The following BLCAP variants were observed in gnomAD, a reference collection of about 807,000 sequenced individuals.
The protein encoded by BLCAP is BLCAP apoptosis inducing factor, also known as apoptosis inducing factor BLCAP.
In BLCAP, 1 loss-of-function variant was observed where a neutral mutation model predicts 5.7. The observed-to-expected ratio is 0.18, with a 90% CI of 0.06 to 0.83. The LOEUF (loss-of-function observed/expected upper bound fraction) is 0.83. BLCAP is among the 40% of genes least tolerant of loss of function. BLCAP has a pLI of 0.71. For synonymous variants in BLCAP, 48 were observed against 49.4 expected, an observed-to-expected ratio of 0.97 and a Z score of 0.11; for missense variants, 66 against 107.6, an observed-to-expected ratio of 0.61 and a Z score of 1.71.
intron 1 of BLCAP, 45 bp from the exon 2 acceptor site, chr20:37,519,395 A>T (rs2071478327): frequency 1.2e-5 from 2 of 163,128 alleles, no homozygotes; most frequent in South Asian, 4.5e-4. Context: ...CAAAGAACAG[A>T]CAGACAGACA....
chr20:37,518,044 C>G lies in BLCAP; in HGVS notation c.*867G>C, dbSNP rs1474738630. On this transcript the variant is annotated 3_prime_UTR_variant, in exon 2 of 2. Transcript: ENST00000373537. ...TCTATCAAGGGGATCAAGGCCGTTA[C>G]GAAACACACAGGTACTCTCCCACTC... 6.6e-6 allele frequency: 1 copy of G among 152,664 alleles called. No homozygotes were observed. The highest frequency in any genetic ancestry group is 1.5e-5 in the Non-Finnish European group (1 of 68,214). The allele number at this position is 152,664 out of a possible 1,614,324, so 9.5% of individuals were successfully genotyped here. A position where few individuals can be genotyped will look rare whatever the true frequency, so the allele number is the denominator to read the frequency against.
chr20:37,519,279 C>G lies in BLCAP; in HGVS notation c.-105G>C. 7.4e-7 allele frequency: 1 copy of G among 1,358,080 alleles called. No individual in the cohort carries two copies. The highest frequency in any genetic ancestry group is 9.9e-7 in the Non-Finnish European group (1 of 1,010,030). 84.1% of individuals were successfully genotyped at this position (1,358,080 alleles called of 1,614,324 possible). A position where few individuals can be genotyped will look rare whatever the true frequency, so the allele number is the denominator to read the frequency against. On this transcript the variant is annotated 5_prime_UTR_variant, in exon 2 of 2. Transcript: ENST00000373537. ...GGCGGCTGCCCTCCGCTTTCTTCAA[C>G]CCTCACTCTCCAGGAGCTGAGCCGC...
rs532571786 is a variant in BLCAP at position 37,525,331 on chromosome 20, T to C, written c.-177+2462A>G. Among the ~76,000 whole-genome samples the C allele has an allele frequency of 2.0e-5, 3 of 152,230 alleles. No individual in the cohort carries two copies. In the South Asian group the frequency reaches 6.2e-4, roughly 32 times the overall value. On this transcript the variant is annotated intron_variant, in intron 1 of 1. Transcript: ENST00000373537. ...GACAAGGTAGCAGATTTCAGGGAGGTAGGCCAAAGCAGCATGGTAAGAGCT... is the reference window on the plus strand; with the variant it reads ...GACAAGGTAGCAGATTTCAGGGAGGCAGGCCAAAGCAGCATGGTAAGAGCT...
chr20:37,522,870 C>A, intron 1 of BLCAP: 1 of 951,568 alleles, frequency 1.1e-6, no homozygotes. Context: ...GTTCCCTCGC[C>A]AGAGGAGCAC....
At chr20:37,526,358 C>T (rs2071721258) in intron 1 of BLCAP, among the ~76,000 whole-genome samples, 1 of 139,190 alleles carries the variant, frequency 7.2e-6, no homozygotes, top group Admixed American at 8.1e-5. Context: ...ACAACAATCT[C>T]TTTTCCCCCC....
chr20:37,519,528 G>A (rs1283561160), intron 1 of BLCAP, among the ~76,000 whole-genome samples, 178 bp from the exon 2 acceptor site: 4 of 150,896 alleles, frequency 2.7e-5, no homozygotes, highest in African/African-American at 9.8e-5. Context: ...GCCCACCCGT[G>A]AAAGTTCTAC....
chr20:37,522,517 C>A, intron 1 of BLCAP: 1 of 1,473,284 alleles, frequency 6.8e-7, no homozygotes, highest in Non-Finnish European at 9.4e-7. Context: ...GCTGCCCTGA[C>A]TCGTGGACAA....
In BLCAP at chr20:37,517,917, A is replaced by C. The variant is rs2147180515; in HGVS notation, c.*994T>G. The C allele has an allele frequency of 6.5e-6, 1 of 152,774 alleles. No homozygotes were observed. The highest frequency in any genetic ancestry group is 2.4e-5 in the African/African-American group (1 of 41,570). 9.5% of individuals were successfully genotyped at this position (152,774 alleles called of 1,614,324 possible). On this transcript the variant is annotated 3_prime_UTR_variant, in exon 2 of 2. Coordinates refer to ENST00000373537, the MANE Select transcript of BLCAP (RefSeq NM_006698.4). ...TACCATATATAGCTAGCTATTGCTA[A>C]ACCTCAAAATCAGACCACGTTCGAT...
intron 1 of BLCAP, chr20:37,526,841 G>C (rs2071730302): frequency 6.6e-6 from 1 of 152,170 alleles, no homozygotes; most frequent in East Asian, 1.9e-4. Flanking sequence ...TCTAACACTT[G>C]GCATTAGCAC....
intron 1 of BLCAP, chr20:37,523,149 G>A: frequency 5.3e-6 from 1 of 187,378 alleles, no homozygotes; most frequent in Non-Finnish European, 1.1e-5. Flanking sequence ...GCACCAGCCA[G>A]CAGAATGGAC....
At chr20:37,522,558 GCT>G in intron 1 of BLCAP, 1 of 1,362,882 alleles carries the variant, frequency 7.3e-7, no homozygotes, top group Non-Finnish European at 1.0e-6. Flanking sequence ...TCCAGCCTAC[GCT>G]GGATGGGCGG....
intron 1 of BLCAP, chr20:37,522,936 C>G: frequency 1.7e-6 from 1 of 583,820 alleles, no homozygotes. Context: ...CCGACAATGA[C>G]GAAGATACCA....
chr20:37,525,129 C>T (rs1271327705), intron 1 of BLCAP, among the ~76,000 whole-genome samples: 1 of 152,194 alleles, frequency 6.6e-6, no homozygotes, highest in Non-Finnish European at 1.5e-5. Context: ...CCCTTCTGAA[C>T]CCCATATCTT....
chr20:37,519,893 A>G (rs2071510075), intron 1 of BLCAP, among the ~76,000 whole-genome samples: 1 of 152,186 alleles, frequency 6.6e-6, no homozygotes, highest in Admixed American at 6.5e-5. Context: ...ACCACAGGCA[A>G]AGGATCCTGA....
intron 1 of BLCAP, chr20:37,523,110 G>A: frequency 4.2e-6 from 1 of 239,576 alleles, no homozygotes; most frequent in Non-Finnish European, 8.0e-6. Flanking sequence ...GGCCATGCCA[G>A]CAGGCCCCAC....
chr20:37,526,281 A>T (rs148581561), intron 1 of BLCAP, among the ~76,000 whole-genome samples: 1 of 74,972 alleles, frequency 1.3e-5, no homozygotes, highest in Non-Finnish European at 2.8e-5. Context: ...TCCCCCCCCC[A>T]CCGCCCCCAC....
At chr20:37,522,617 A>G (rs1414086508) in intron 1 of BLCAP, 1 of 1,541,000 alleles carries the variant, frequency 6.5e-7, no homozygotes, top group Admixed American at 1.9e-5. Flanking sequence ...CACCACAGAC[A>G]TGCTGTGGGT....
chr20:37,519,424 GA>G (rs35394410), intron 1 of BLCAP, 74 bp from the exon 2 acceptor site: 10,480 of 71,406 alleles, frequency 0.15, 869 homozygotes, highest in Middle Eastern at 0.36. Context: ...AAAAAAAAAA[GA>G]AAAAAAAAAA....
intron 1 of BLCAP, chr20:37,526,904 T>G (rs1292653015): frequency 2.6e-5 from 4 of 152,216 alleles, no homozygotes; most frequent in Admixed American, 2.6e-4. Context: ...TCCAGAAGGC[T>G]GACGGGATGA....
Sources: allele counts gnomAD v4.1 joint callset (sites outside exome capture counted in the v4.1 genomes callset), GRCh38; gene constraint gnomAD v4.1.1; transcripts MANE v1.5; gene names NCBI Gene and HGNC (gene_info 2026-07-23, HGNC 2026-07-21).